PRKN: variants seen among roughly 807,000 people sequenced by gnomAD.
PRKN encodes E3 ubiquitin-protein ligase parkin.
PRKN carries 56 observed loss-of-function variants against 59.5 expected under a neutral mutation model. That is an observed-to-expected ratio of 0.94 (90% CI 0.76 to 1.18). The LOEUF is 1.18. Among genes scored for constraint, PRKN ranks in the 50% most tolerant of loss-of-function variants. The probability of loss-of-function intolerance (pLI) is 0.00; values close to 1 mark genes in which losing one functional copy is unlikely to be tolerated. For missense variants in PRKN, 657 were observed against 596.4 expected (o/e 1.10, Z -1.06); for synonymous variants, 250 against 222.1 (o/e 1.13, Z -1.12).
chr6:162,511,838 A>C (rs1048037273), intron 1 of PRKN, among the ~76,000 whole-genome samples: 1 of 152,196 alleles, frequency 6.6e-6, no homozygotes, highest in Non-Finnish European at 1.5e-5. Flanking sequence ...CTGTTTCTTG[A>C]AAACTGCACT....
At chr6:161,955,227 A>T (rs1050236701) in intron 6 of PRKN, among the ~76,000 whole-genome samples, 1 of 152,130 alleles carries the variant, frequency 6.6e-6, no homozygotes, top group African/African-American at 2.4e-5. Context: ...GCTCAACAGC[A>T]GCCCTGGCAT....
At chr6:161,845,908 T>C (rs369742588) in intron 6 of PRKN, among the ~76,000 whole-genome samples, 8 of 152,170 alleles carry the variant, frequency 5.3e-5, no homozygotes, top group African/African-American at 1.7e-4. Context: ...GAAGAGGTGT[T>C]CCATGAGTTT....
At chr6:161,788,551 C>T (rs772269077) in intron 6 of PRKN, among the ~76,000 whole-genome samples, 14 of 152,134 alleles carry the variant, frequency 9.2e-5, no homozygotes, top group Non-Finnish European at 1.9e-4. Context: ...CTGCACCAGG[C>T]CACCTCAACC....
At chr6:162,515,324 C>T (rs1777800922) in intron 1 of PRKN, among the ~76,000 whole-genome samples, 1 of 152,140 alleles carries the variant, frequency 6.6e-6, no homozygotes, top group Non-Finnish European at 1.5e-5. Context: ...CTCAGGTGAT[C>T]CGCCTGCCTC....
At chr6:162,252,343 T>A (rs1779469611) in intron 3 of PRKN, among the ~76,000 whole-genome samples, 1 of 152,190 alleles carries the variant, frequency 6.6e-6, no homozygotes. Context: ...TATCTGTATA[T>A]AGAATTTTGA....
chr6:161,679,489 C>A (rs766956166), intron 7 of PRKN, among the ~76,000 whole-genome samples: 29 of 151,904 alleles, frequency 1.9e-4, no homozygotes, highest in Non-Finnish European at 3.1e-4. Context: ...AGGCCTCCCT[C>A]CCTCCACCAC....
At chr6:161,521,528 G>A (rs1403953291) in intron 9 of PRKN, among the ~76,000 whole-genome samples, 1 of 152,164 alleles carries the variant, frequency 6.6e-6, no homozygotes, top group Non-Finnish European at 1.5e-5. Context: ...GCAAAAACCT[G>A]AATAAACTCT....
intron 3 of PRKN, among the ~76,000 whole-genome samples, chr6:162,207,476 T>C (rs956204581): frequency 2.6e-5 from 4 of 152,150 alleles, no homozygotes; most frequent in African/African-American, 9.7e-5. Context: ...GAGGCTTCAT[T>C]ATCTCACTAG....
rs1321431636 is a variant in PRKN, at chr6:161,417,950, C to G, written c.1084-31073G>C. The stretch of plus-strand genomic sequence containing the variant: ...GGGGCATGAGTAATGCTGGGAGCTG[C>G]AGGCTGGCTTCCCACGCTCCCTCCT... On this transcript the variant is annotated intron_variant, in intron 9 of 11. Coordinates refer to ENST00000366898, the MANE Select transcript of PRKN (RefSeq NM_004562.3). This position sits in a 1 kb window ranked among gnomAD's most constrained non-coding sequence, Gnocchi z 5.4. 6.6e-6 allele frequency among the ~76,000 whole-genome samples: 1 copy of G among 152,186 alleles called. No homozygotes were observed. Among genetic ancestry groups the G allele is most frequent in the Non-Finnish European group, 1.5e-5 (1 of 68,040 alleles).
chr6:162,249,931 A>T (rs977605121), intron 3 of PRKN, among the ~76,000 whole-genome samples: 9 of 152,066 alleles, frequency 5.9e-5, no homozygotes, highest in African/African-American at 1.9e-4. Context: ...GATCACCTTG[A>T]AGTCAGGAGT....
chr6:161,558,176 A>G (rs1467066407), intron 8 of PRKN, among the ~76,000 whole-genome samples: 1 of 152,130 alleles, frequency 6.6e-6, no homozygotes, highest in Non-Finnish European at 1.5e-5. Flanking sequence ...ACAGGCAGAG[A>G]ACCCACAGTG....
chr6:162,132,578 A>C (rs1230722957), intron 4 of PRKN, among the ~76,000 whole-genome samples: 1 of 152,190 alleles, frequency 6.6e-6, no homozygotes, highest in Non-Finnish European at 1.5e-5. Flanking sequence ...ATGTACTGGA[A>C]TAATAACGAC....
At chr6:162,689,136 T>C (rs1398173930) in intron 1 of PRKN, among the ~76,000 whole-genome samples, 1 of 152,218 alleles carries the variant, frequency 6.6e-6, no homozygotes, top group Non-Finnish European at 1.5e-5. Flanking sequence ...AACAGAACTG[T>C]CGTACAGAGC....
intron 9 of PRKN, among the ~76,000 whole-genome samples, chr6:161,513,333 C>T (rs565367209): frequency 6.6e-5 from 10 of 152,220 alleles, no homozygotes; most frequent in Non-Finnish European, 8.8e-5. Flanking sequence ...CTCCGCCCCC[C>T]GGGTTCAAGT....
chr6:162,398,231 CCTAA>C (rs1207496900), intron 2 of PRKN, among the ~76,000 whole-genome samples: 5 of 152,094 alleles, frequency 3.3e-5, no homozygotes, highest in Admixed American at 6.6e-5. Context: ...AGTATCATTT[CCTAA>C]CTAACATCTG....
rs1490597408 is a variant in PRKN at position 162,423,886 on chromosome 6, C to T, written c.171+19424G>A. Among the ~76,000 whole-genome samples the T allele has an allele frequency of 5.3e-5, 8 of 152,142 alleles. No individual in the cohort carries two copies. In the East Asian group the frequency reaches 1.5e-3, roughly 29 times the overall value. On this transcript the variant is annotated intron_variant, in intron 2 of 11. Coordinates refer to ENST00000366898, the MANE Select transcript of PRKN (RefSeq NM_004562.3). ...TGAATGCCTAATGACAAGGGTGATG[C>T]TTATGCCATTCTAAAAGTGATGAAT... is the stretch of plus-strand genomic sequence containing the variant.
chr6:161,666,371 C>T lies in PRKN; in HGVS notation c.872-96955G>A, dbSNP rs183970427. 7.6e-3 allele frequency among the ~76,000 whole-genome samples: 1,158 copies of T among 152,266 alleles called. 19 individuals carry two copies. The highest frequency in any genetic ancestry group is 1.0e-2 in the Non-Finnish European group (677 of 68,016). On this transcript the variant is annotated intron_variant, in intron 7 of 11. Coordinates refer to ENST00000366898, the MANE Select transcript of PRKN (RefSeq NM_004562.3). ...ATGCATGGGATGTAAGTTGTGTGCT[C>T]CTTATGAGGATCTAACTAATGCCTG... is the stretch of plus-strand genomic sequence containing the variant.
chr6:162,096,565 A>G (rs760480231), intron 4 of PRKN, among the ~76,000 whole-genome samples: 3 of 152,160 alleles, frequency 2.0e-5, no homozygotes, highest in Non-Finnish European at 2.9e-5. Context: ...CTGGCAGAAG[A>G]TAACTGAATC....
chr6:161,468,386 T>C lies in PRKN; in HGVS notation c.1083+80468A>G, dbSNP rs1790593297. On this transcript the variant is annotated intron_variant, in intron 9 of 11. Transcript: ENST00000366898. The surrounding 1 kb of genome is among the most constrained non-coding windows in gnomAD (Gnocchi z 5.9). ...AGGAAGAGAGAAGAGGCAGTGGGTCTGGGAAAATACTCAGCCTTGAAAAGT... is the reference window on the plus strand; with the variant it reads ...AGGAAGAGAGAAGAGGCAGTGGGTCCGGGAAAATACTCAGCCTTGAAAAGT... Among the ~76,000 whole-genome samples, 2 of 151,992 alleles carry C rather than the reference T, an allele frequency of 1.3e-5. No individual in the cohort carries two copies. The highest frequency in any genetic ancestry group is 4.8e-5 in the African/African-American group (2 of 41,396).
Sources: allele counts gnomAD v4.1 joint callset (sites outside exome capture counted in the v4.1 genomes callset), GRCh38; gene constraint gnomAD v4.1.1; non-coding constraint Gnocchi (gnomAD v3.1); transcripts MANE v1.5; gene names NCBI Gene and HGNC (gene_info 2026-07-23, HGNC 2026-07-21).